Variants in MDH1 observed in about 807,000 individuals in gnomAD.
The protein encoded by MDH1 is malate dehydrogenase, cytoplasmic.
MDH1 carries 15 observed loss-of-function variants against 38.7 expected under a neutral mutation model. That is an observed-to-expected ratio of 0.39 (90% confidence interval 0.26 to 0.60). The LOEUF is 0.60. Ranked by LOEUF, MDH1 falls within the 20% of genes least tolerant of loss-of-function variation. MDH1 has a pLI of 0.56. For synonymous variants in MDH1, 144 were observed against 143.6 expected (o/e 1.00, Z -0.02); for missense variants, 368 against 405.2 (o/e 0.91, Z 0.79).
intron 5 of MDH1, among the ~76,000 whole-genome samples, chr2:63,600,398 C>T (rs1271170072): frequency 1.3e-5 from 2 of 152,160 alleles, no homozygotes; most frequent in African/African-American, 4.8e-5. Flanking sequence ...ATTACGGAGC[C>T]ACCTTGATTT....
At position 63,594,450 on chromosome 2, in the gene MDH1, T is replaced by C. The variant is rs759926989; in HGVS notation, c.4-38T>C. The C allele has an allele frequency of 4.8e-5, 64 of 1,336,658 alleles. 1 individual carries two copies. In the South Asian group the frequency reaches 7.0e-4, roughly 15 times the overall value. 82.8% of individuals were successfully genotyped at this position (1,336,658 alleles called of 1,614,324 possible). On this transcript the variant is annotated intron_variant, in intron 1 of 8. Transcript: ENST00000233114. The stretch of plus-strand genomic sequence containing the variant: ...AATCCTGGATATTTTTAAGGTACAG[T>C]AGTACTTAAAGATGTTAATGGGTCT...
At chr2:63,595,220 T>C (rs1029492951) in intron 2 of MDH1, among the ~76,000 whole-genome samples, 4 of 152,214 alleles carry the variant, frequency 2.6e-5, no homozygotes, top group Non-Finnish European at 5.9e-5. Context: ...ACTGTGTCTG[T>C]TAGCAAACCA....
intron 3 of MDH1, chr2:63,597,187 A>C (rs899562495): frequency 5.4e-5 from 40 of 743,918 alleles, no homozygotes; most frequent in Non-Finnish European, 6.4e-5. Context: ...GTAATTATTG[A>C]AACAGGAAAA....
At position 63,595,434 on chromosome 2, in the gene MDH1, T is replaced by C; in HGVS notation, c.114T>C (p.Leu38=). 1 of 1,607,586 alleles carries C rather than the reference T, an allele frequency of 6.2e-7. No individual in the cohort carries two copies. Among genetic ancestry groups the C allele is most frequent in the Non-Finnish European group, 8.5e-7 (1 of 1,174,018 alleles). ...SVFGKDQPII[L]VLLDITPMMG... is the part of the protein sequence containing the mutation. ...TTGCTATTTGGTAGCCTATAATTCT[T>C]GTGCTGTTGGATATCACCCCCATGA... Residue 38 remains leucine (L), a synonymous_variant, in exon 3 of 9, where the codon CTT becomes CTC. Coordinates refer to ENST00000233114, the MANE Select transcript of MDH1 (RefSeq NM_005917.4).
At chr2:63,591,827 TACTC>T (rs1320134588) in intron 1 of MDH1, among the ~76,000 whole-genome samples, 7 of 152,258 alleles carry the variant, frequency 4.6e-5, no homozygotes, top group African/African-American at 7.2e-5. Flanking sequence ...TATTTATAAA[TACTC>T]ACTACGTACT....
intron 1 of MDH1, among the ~76,000 whole-genome samples, chr2:63,592,763 T>C (rs1709224828): frequency 6.6e-6 from 1 of 152,236 alleles, no homozygotes; most frequent in African/African-American, 2.4e-5. Flanking sequence ...AGGACCCAGC[T>C]ATTCCTTCAA....
chr2:63,598,974 T>C (rs1183722933), intron 4 of MDH1, among the ~76,000 whole-genome samples, 196 bp from the exon 5 acceptor site: 1 of 152,190 alleles, frequency 6.6e-6, no homozygotes, highest in Non-Finnish European at 1.5e-5. Flanking sequence ...CTGATATTAT[T>C]TCAAAATTTT....
intron 1 of MDH1, among the ~76,000 whole-genome samples, chr2:63,592,013 G>T (rs1709209333): frequency 6.6e-6 from 1 of 152,288 alleles, no homozygotes; most frequent in African/African-American, 2.4e-5. Context: ...AACACAGAAA[G>T]TCTGGCTCCA....
intron 6 of MDH1, 62 bp downstream of exon 6, chr2:63,604,934 G>A (rs1205822512): frequency 1.3e-6 from 2 of 1,547,190 alleles, no homozygotes; most frequent in African/African-American, 2.7e-5. Context: ...AGACTCTTAG[G>A]ACAGAAAACC....
intron 8 of MDH1, 60 bp from the exon 9 acceptor site, chr2:63,606,802 T>G (rs922706748): frequency 8.5e-5 from 115 of 1,357,000 alleles, no homozygotes; most frequent in Non-Finnish European, 1.1e-4. Context: ...CAAACAAGGT[T>G]GTTGCTTACT....
chr2:63,590,484 C>G (rs1016530238), intron 1 of MDH1: 1 of 152,142 alleles, frequency 6.6e-6, no homozygotes, highest in Non-Finnish European at 1.5e-5. Context: ...AGCTGAGATT[C>G]CGGATGAAGT....
intron 3 of MDH1, chr2:63,597,190 C>A: frequency 1.3e-6 from 1 of 769,494 alleles, no homozygotes; most frequent in Non-Finnish European, 1.6e-6. Flanking sequence ...ATTATTGAAA[C>A]AGGAAAAGCA....
intron 2 of MDH1, 75 bp downstream of exon 2, chr2:63,594,661 C>A: frequency 9.4e-7 from 1 of 1,059,878 alleles, no homozygotes; most frequent in Non-Finnish European, 1.4e-6. Context: ...TTTAGTTGTA[C>A]ACAAATTGTT....
At chr2:63,598,028 A>C (rs1709351080) in intron 4 of MDH1, 1 of 152,344 alleles carries the variant, frequency 6.6e-6, no homozygotes, top group South Asian at 2.1e-4. Context: ...CTCTTGAAGA[A>C]TTGAGTCAGT....
intron 5 of MDH1, 60 bp from the exon 6 acceptor site, chr2:63,604,636 G>T: frequency 7.4e-7 from 1 of 1,354,264 alleles, no homozygotes; most frequent in African/African-American, 1.5e-5. Flanking sequence ...GTCAAAACAG[G>T]TCCCAATTGG....
In MDH1 at chr2:63,594,580, A is replaced by G. The variant is rs1242180886; in HGVS notation, c.96A>G (p.Lys32=). The change falls in exon 2 of 9, where the codon AAA becomes AAG. Residue 32 remains lysine, a synonymous_variant. Coordinates refer to ENST00000233114, the MANE Select transcript of MDH1 (RefSeq NM_005917.4). The stretch of plus-strand genomic sequence containing the variant: ...TTGGAAATGGATCTGTCTTTGGTAA[A>G]GATCAGGTAGGAACAGGTGTCTATA... ...YSIGNGSVFG[K]DQPIILVLLD... The G allele has an allele frequency of 1.2e-6, 2 of 1,607,884 alleles. No individual in the cohort carries two copies. The highest frequency in any genetic ancestry group is 1.7e-6 in the Non-Finnish European group (2 of 1,174,686).
chr2:63,593,320 C>G (rs1709238151), intron 1 of MDH1: 1 of 275,412 alleles, frequency 3.6e-6, no homozygotes, highest in Non-Finnish European at 7.4e-6. Flanking sequence ...TCTCAAACTC[C>G]CAACCTCAGG....
rs750829098 is a variant in MDH1, at chr2:63,589,004, C to T, written c.-40C>T. ...AGAGGTGACCTGACTCTCTGAGGCT[C>T]ATTTTGCAGTTGTTGAAATTGTCCC... On this transcript the variant is annotated 5_prime_UTR_variant, in exon 1 of 9. Coordinates refer to ENST00000233114, the MANE Select transcript of MDH1 (RefSeq NM_005917.4). 6.2e-7 allele frequency: 1 copy of T among 1,614,194 alleles called. No individual in the cohort carries two copies. Among genetic ancestry groups the T allele is most frequent in the South Asian group, 1.1e-5 (1 of 91,076 alleles).
intron 5 of MDH1, chr2:63,599,890 TAAC>T (rs1410729397): frequency 1.3e-5 from 2 of 152,210 alleles, no homozygotes; most frequent in Non-Finnish European, 2.9e-5. Context: ...ACCAGGGAAT[TAAC>T]AATAGCTTTT....
Sources: gnomAD v4.1 joint callset for allele counts (sites outside exome capture counted in the v4.1 genomes callset) on GRCh38, gnomAD v4.1.1 for gene constraint, MANE v1.5 for transcripts, NCBI Gene and HGNC (gene_info 2026-07-23, HGNC 2026-07-21) for gene names.